Variants in EIF3D observed in about 807,000 individuals in gnomAD.
EIF3D encodes the protein eIF3 p66.
Under a neutral mutation model 75.4 loss-of-function variants are expected in EIF3D, and 10 were observed. The ratio of observed to expected loss-of-function variants is 0.13; its 90% CI spans 0.08 to 0.22. EIF3D has a LOEUF of 0.22. EIF3D is among the 10% of genes least tolerant of loss of function. The pLI, the probability that EIF3D is intolerant of heterozygous loss-of-function variation, is 1.00. For synonymous variants in EIF3D, 246 were observed against 248.3 expected (o/e 0.99, Z 0.09); for missense variants, 394 against 708.0 (o/e 0.56, Z 5.03).
chr22:36,525,525 C>T, intron 3 of EIF3D, 139 bp downstream of exon 3: 1 of 989,316 alleles, frequency 1.0e-6, no homozygotes, highest in African/African-American at 1.6e-5. Flanking sequence ...TTGTTAAAGC[C>T]CAGAATACAT....
chr22:36,520,829 A>T (rs1934501266), intron 6 of EIF3D, 141 bp from the exon 7 acceptor site: 7 of 572,404 alleles, frequency 1.2e-5, no homozygotes, highest in Non-Finnish European at 2.2e-5. Context: ...CTGGGGCAGG[A>T]TGATTGCTTG....
At chr22:36,528,945 C>T (rs992739553) in intron 1 of EIF3D, 131 bp downstream of exon 1, 12 of 225,942 alleles carry the variant, frequency 5.3e-5, no homozygotes, top group Admixed American at 1.2e-4. Context: ...GGATTCCTGC[C>T]CCGCCCAGCG....
rs1223154875 is a variant in EIF3D, at chr22:36,520,683, G to A, written c.471C>T (p.Pro157=). Residue 157 remains proline (P), a synonymous_variant, in exon 7 of 15, where the codon CCC becomes CCT. Transcript: ENST00000216190. ...RQKWDQKSQK[P]RDSSVEVRSD... ...TACGAACTTCAACTGAAGAGTCTCGGGGTTTCTGCAGTTGAAAACCATTAG... is the reference window on the plus strand; with the variant it reads ...TACGAACTTCAACTGAAGAGTCTCGAGGTTTCTGCAGTTGAAAACCATTAG... 1.2e-6 allele frequency: 2 copies of A among 1,610,596 alleles called. No individual in the cohort carries two copies. Among genetic ancestry groups the A allele is most frequent in the Non-Finnish European group, 1.7e-6 (2 of 1,177,958 alleles).
At chr22:36,523,153 A>AAT in intron 6 of EIF3D, 56 bp downstream of exon 6, 1 of 1,397,870 alleles carries the variant, frequency 7.2e-7, no homozygotes, top group Non-Finnish European at 1.0e-6. Flanking sequence ...ATTAATAAAG[A>AAT]CAACCAAATA....
At chr22:36,526,303 T>C (rs1192605525) in intron 1 of EIF3D, among the ~76,000 whole-genome samples, 172 bp from the exon 2 acceptor site, 2 of 152,234 alleles carry the variant, frequency 1.3e-5, no homozygotes, top group African/African-American at 2.4e-5. Context: ...ATACTGTGAA[T>C]ATGTACTTAA....
At chr22:36,511,456 C>T (rs1934334149) in intron 14 of EIF3D, 47 bp downstream of exon 14, 3 of 1,602,068 alleles carry the variant, frequency 1.9e-6, no homozygotes. Context: ...TGCTCCCGTG[C>T]TAGCCCACAG....
At chr22:36,514,153 A>G (rs552173388) in intron 12 of EIF3D, among the ~76,000 whole-genome samples, 2 of 152,324 alleles carry the variant, frequency 1.3e-5, no homozygotes, top group South Asian at 2.1e-4. Flanking sequence ...AAGAAAGACA[A>G]TGCTGATGGA....
intron 12 of EIF3D, among the ~76,000 whole-genome samples, chr22:36,515,900 G>C (rs1037392608): frequency 6.7e-6 from 1 of 149,824 alleles, no homozygotes; most frequent in African/African-American, 2.4e-5. Flanking sequence ...TGGGCGGGGG[G>C]GCGGATTGGG....
At chr22:36,519,009 C>A (rs1934470768) in intron 8 of EIF3D, 99 bp from the exon 9 acceptor site, 3 of 1,478,466 alleles carry the variant, frequency 2.0e-6, no homozygotes, top group South Asian at 1.3e-5. Context: ...CCACATAAAT[C>A]CTTAATAAGG....
intron 1 of EIF3D, 112 bp downstream of exon 1, chr22:36,528,964 G>A (rs1934654630): frequency 1.5e-5 from 4 of 258,278 alleles, no homozygotes; most frequent in Non-Finnish European, 2.9e-5. Flanking sequence ...CGGAGGGACG[G>A]CAACAGCAGG....
chr22:36,527,433 G>C (rs6000298), intron 1 of EIF3D, among the ~76,000 whole-genome samples: 57,009 of 152,082 alleles, frequency 0.37, 11,166 homozygotes, highest in African/African-American at 0.45. Context: ...AACCGGCGCT[G>C]TATAGCAGAT....
rs770296794 is a variant in EIF3D at position 36,524,689 on chromosome 22, A to G, written c.213T>C (p.Tyr71=). 9.9e-6 allele frequency: 16 copies of G among 1,614,236 alleles called. No individual in the cohort carries two copies. The South Asian group carries it at 1.8e-4, about 18-fold the overall frequency. The change falls in exon 4 of 15, where the codon TAT becomes TAC. Residue 71 remains tyrosine (Y), a synonymous_variant. Transcript: ENST00000216190. The stretch of plus-strand genomic sequence containing the variant: ...AGCTACTTTCATCCTCCTCATGGAA[A>G]TAAGCATATTGACTTCCACCACCAA... ...SQFGGGSQYA[Y]FHEEDESSFQ...
In EIF3D at chr22:36,512,628, CA is replaced by C. The variant is rs761512980; in HGVS notation, c.1207-27del. On this transcript the variant is annotated intron_variant, in intron 12 of 14. Transcript: ENST00000216190. ...CTGCAGGAGAGCCCCGTTAGAGAAA[CA>C]GAAGCAAGCTCCAAATGCCCAAGGT... 3.1e-6 allele frequency: 5 copies of C among 1,599,086 alleles called. No individual in the cohort carries two copies. The South Asian group carries it at 4.4e-5, about 14-fold the overall frequency.
chr22:36,517,761 T>G (rs1446887883), intron 9 of EIF3D, among the ~76,000 whole-genome samples: 2 of 152,184 alleles, frequency 1.3e-5, no homozygotes, highest in Non-Finnish European at 2.9e-5. Flanking sequence ...AACACTTTTT[T>G]TTTTGAGATG....
intron 10 of EIF3D, 50 bp from the exon 11 acceptor site, chr22:36,516,840 C>T (rs774038895): frequency 1.3e-6 from 2 of 1,538,044 alleles, no homozygotes; most frequent in African/African-American, 1.4e-5. Context: ...TTGACAAGGC[C>T]AAGGCCAATC....
chr22:36,526,220 T>C, intron 1 of EIF3D, 89 bp from the exon 2 acceptor site: 1 of 1,374,240 alleles, frequency 7.3e-7, no homozygotes, highest in Non-Finnish European at 9.6e-7. Flanking sequence ...AAGACATAAA[T>C]GATAGAACTC....
At chr22:36,521,873 GTTGCAGTGAGCCAAGATCGCGCCAC>G (rs1934519779) in intron 6 of EIF3D, among the ~76,000 whole-genome samples, 1 of 152,016 alleles carries the variant, frequency 6.6e-6, no homozygotes, top group South Asian at 2.1e-4. Flanking sequence ...GGAGGCGGAG[GTTGCAGTGAGCCAAGATCGCGCCAC>G]TGGCACTGCA....
rs772694952 is a variant in EIF3D, at chr22:36,517,276, A to C, written c.990+25T>G. On this transcript the variant is annotated intron_variant, in intron 10 of 14. Transcript: ENST00000216190. Reference sequence around the variant, plus strand: ...GCAGCTGATTAAATAAGAATGAATCAATGCCCAGAGACTCGTTTCCTCACC... The same window carrying C: ...GCAGCTGATTAAATAAGAATGAATCCATGCCCAGAGACTCGTTTCCTCACC... 9.9e-6 allele frequency: 16 copies of C among 1,613,462 alleles called. No homozygotes were observed. The East Asian group carries it at 3.6e-4, about 36-fold the overall frequency.
At chr22:36,522,538 C>A (rs1178413012) in intron 6 of EIF3D, among the ~76,000 whole-genome samples, 1 of 152,102 alleles carries the variant, frequency 6.6e-6, no homozygotes, top group Admixed American at 6.6e-5. Flanking sequence ...TGAAAACACG[C>A]TAAATAAAAG....
Sources: gnomAD v4.1 joint callset for allele counts (sites outside exome capture counted in the v4.1 genomes callset) on GRCh38, gnomAD v4.1.1 for gene constraint, MANE v1.5 for transcripts, NCBI Gene and HGNC (gene_info 2026-07-23, HGNC 2026-07-21) for gene names.